The following FSHR variants were observed in gnomAD, a reference collection of about 807,000 sequenced individuals.
FSHR encodes follicle-stimulating hormone receptor.
In FSHR, 46 loss-of-function variants were observed where a neutral mutation model predicts 52.1. The observed-to-expected ratio is 0.88, with a 90% CI of 0.70 to 1.13. The LOEUF is 1.13. Ranked by LOEUF, FSHR falls within the 50% of genes most tolerant of loss-of-function variation. The pLI is 0.00. For synonymous variants in FSHR, 399 were observed against 309.6 expected, an observed-to-expected ratio of 1.29 and a Z score of -3.03; for missense variants, 964 against 834.6, an observed-to-expected ratio of 1.16 and a Z score of -1.91.
At chr2:49,130,747 C>T (rs1221492871) in intron 1 of FSHR, among the ~76,000 whole-genome samples, 1 of 152,126 alleles carries the variant, frequency 6.6e-6, no homozygotes, top group Non-Finnish European at 1.5e-5. Flanking sequence ...TGACATTCAC[C>T]CAGTTGCTCT....
chr2:48,999,894 A>T (rs992515747), intron 4 of FSHR, among the ~76,000 whole-genome samples: 6 of 152,102 alleles, frequency 3.9e-5, no homozygotes, highest in African/African-American at 1.4e-4. Flanking sequence ...TCCTAGTTCA[A>T]CCTTGGAAGC....
chr2:49,127,144 A>G (rs1361088825), intron 1 of FSHR, among the ~76,000 whole-genome samples: 2 of 152,154 alleles, frequency 1.3e-5, no homozygotes, highest in Non-Finnish European at 2.9e-5. Context: ...CCTGGCCAAC[A>G]TGGCGAAACC....
intron 2 of FSHR, among the ~76,000 whole-genome samples, chr2:49,047,875 A>G (rs1004015162): frequency 1.4e-4 from 22 of 152,100 alleles, no homozygotes; most frequent in Non-Finnish European, 1.3e-4. Flanking sequence ...CAGGTTGTAC[A>G]GCTTATTTAT....
intron 1 of FSHR, among the ~76,000 whole-genome samples, chr2:49,099,568 A>G (rs2103718194): frequency 6.6e-6 from 1 of 152,268 alleles, no homozygotes; most frequent in East Asian, 1.9e-4. Context: ...TATAAAGTTA[A>G]GATTATGTCA....
At chr2:49,041,364 C>A (rs970738978) in intron 2 of FSHR, among the ~76,000 whole-genome samples, 1 of 152,132 alleles carries the variant, frequency 6.6e-6, no homozygotes, top group Non-Finnish European at 1.5e-5. Flanking sequence ...GACAGCAAGC[C>A]TTTTTGCTTA....
intron 4 of FSHR, among the ~76,000 whole-genome samples, chr2:48,991,972 A>C (rs763667154): frequency 2.5e-4 from 37 of 150,630 alleles, no homozygotes; most frequent in Non-Finnish European, 4.9e-4. Context: ...CTGTATTTAG[A>C]GAGGAAGTGA....
At chr2:48,971,630 C>A (rs1674746146) in intron 8 of FSHR, among the ~76,000 whole-genome samples, 1 of 152,140 alleles carries the variant, frequency 6.6e-6, no homozygotes, top group Non-Finnish European at 1.5e-5. Context: ...TCAATTAGAT[C>A]AAATCTCCTA....
intron 1 of FSHR, among the ~76,000 whole-genome samples, chr2:49,084,413 C>T (rs1207115238): frequency 1.3e-5 from 2 of 152,112 alleles, no homozygotes; most frequent in Non-Finnish European, 2.9e-5. Context: ...ACAGTTGACA[C>T]CCTAACATCA....
intron 1 of FSHR, among the ~76,000 whole-genome samples, chr2:49,131,684 C>T (rs1672285434): frequency 6.6e-6 from 1 of 152,162 alleles, no homozygotes; most frequent in African/African-American, 2.4e-5. Context: ...CTCTCCCCTA[C>T]TCAAGCACTG....
At chr2:48,997,266 C>G in intron 4 of FSHR, 1 of 985,078 alleles carries the variant, frequency 1.0e-6, no homozygotes, top group Middle Eastern at 5.2e-4. Context: ...CTTGCCTTTT[C>G]GATCTCACAT....
Position 49,125,024 on chromosome 2 carries a change from C to T in FSHR, c.152+29242G>A, listed in dbSNP as rs552914405. On this transcript the variant is annotated intron_variant, in intron 1 of 9. Coordinates refer to ENST00000406846, the MANE Select transcript of FSHR (RefSeq NM_000145.4). ...TGTACAAACAGATGTGTTCCTGTCC[C>T]AGAGTCACTGCTCTTGCTTGTTTGT... Among the ~76,000 whole-genome samples the T allele has an allele frequency of 3.9e-5, 6 of 152,314 alleles. No individual in the cohort carries two copies. The East Asian group carries it at 1.2e-3, about 29-fold the overall frequency.
chr2:49,018,227 T>A (rs1472578311), intron 3 of FSHR, among the ~76,000 whole-genome samples: 1 of 152,162 alleles, frequency 6.6e-6, no homozygotes, highest in Non-Finnish European at 1.5e-5. Flanking sequence ...TCAGAGCTCA[T>A]GGAAAGGGGT....
At position 48,974,605 on chromosome 2, in the gene FSHR, TAA is replaced by T. The variant is rs752565897; in HGVS notation, c.669-5724_669-5723del. On this transcript the variant is annotated intron_variant, in intron 8 of 9. Transcript: ENST00000406846. ...AAGTGGTTCCTGGATGACAGGGAAATAAAAGTCTTTGTGGAGGTGTTTACTTA... is the reference window on the plus strand; with the variant it reads ...AAGTGGTTCCTGGATGACAGGGAAATAAGTCTTTGTGGAGGTGTTTACTTA... Among the ~76,000 whole-genome samples, 21 of 152,320 alleles carry T rather than the reference TAA, an allele frequency of 1.4e-4. No homozygotes were observed. In the East Asian group the frequency reaches 3.5e-3, roughly 25 times the overall value.
At chr2:49,068,600 G>A (rs1302333181) in intron 1 of FSHR, among the ~76,000 whole-genome samples, 2 of 152,070 alleles carry the variant, frequency 1.3e-5, no homozygotes, top group African/African-American at 2.4e-5. Flanking sequence ...GTTGCCTTCT[G>A]CAGCCCTGTG....
intron 1 of FSHR, among the ~76,000 whole-genome samples, chr2:49,099,791 T>A (rs1265294921): frequency 2.0e-5 from 3 of 152,112 alleles, no homozygotes; most frequent in African/African-American, 7.2e-5. Flanking sequence ...GGCATGGAAC[T>A]GTTGTTCCCT....
chr2:49,071,782 G>A (rs1453575052), intron 1 of FSHR, among the ~76,000 whole-genome samples: 1 of 150,320 alleles, frequency 6.7e-6, no homozygotes, highest in African/African-American at 2.4e-5. Context: ...AGGAGGACAG[G>A]CATCACGTGG....
intron 2 of FSHR, among the ~76,000 whole-genome samples, chr2:49,027,210 C>T (rs556365569): frequency 6.6e-6 from 1 of 152,304 alleles, no homozygotes; most frequent in South Asian, 2.1e-4. Context: ...TGCAAACCTC[C>T]CTTTATTTCC....
intron 1 of FSHR, among the ~76,000 whole-genome samples, chr2:49,069,905 T>G (rs1174611231): frequency 2.6e-5 from 4 of 152,168 alleles, no homozygotes; most frequent in African/African-American, 9.7e-5. Flanking sequence ...TCATAAATAT[T>G]TTATTGCTTT....
chr2:49,011,578 T>C (rs1667274785), intron 4 of FSHR, among the ~76,000 whole-genome samples: 1 of 152,162 alleles, frequency 6.6e-6, no homozygotes, highest in African/African-American at 2.4e-5. Context: ...AATTCCTGGG[T>C]ATCCTTGAAT....
Sources: gnomAD v4.1 joint callset for allele counts (sites outside exome capture counted in the v4.1 genomes callset) on GRCh38, gnomAD v4.1.1 for gene constraint, MANE v1.5 for transcripts, NCBI Gene and HGNC (gene_info 2026-07-23, HGNC 2026-07-21) for gene names.